Variants in NTRK2 observed in about 807,000 individuals in gnomAD.
The protein encoded by NTRK2 is BDNF/NT-3 growth factors receptor.
Under a neutral mutation model 94.5 loss-of-function variants are expected in NTRK2, and 13 were observed. The observed-to-expected ratio is 0.14, with a 90% CI of 0.09 to 0.22. NTRK2 has a LOEUF of 0.22. NTRK2 is among the 10% of genes least tolerant of loss of function. NTRK2 has a pLI of 1.00. For missense variants in NTRK2, 639 were observed against 1,071.2 expected (o/e 0.60, Z 5.63); for synonymous variants, 372 against 407.4 (o/e 0.91, Z 1.05).
At chr9:84,934,631 C>G (rs546018337) in intron 15 of NTRK2, among the ~76,000 whole-genome samples, 4 of 152,122 alleles carry the variant, frequency 2.6e-5, no homozygotes, top group African/African-American at 9.7e-5. Context: ...CATGTGTCTC[C>G]TCAAATTGTT....
intron 15 of NTRK2, among the ~76,000 whole-genome samples, chr9:84,945,274 A>G (rs2078560211): frequency 1.3e-5 from 2 of 152,228 alleles, no homozygotes; most frequent in South Asian, 4.1e-4. Flanking sequence ...TACTTTCACA[A>G]ACTTCGTGTA....
intron 14 of NTRK2, among the ~76,000 whole-genome samples, chr9:84,909,012 C>G (rs2077160113): frequency 6.6e-6 from 1 of 152,128 alleles, no homozygotes; most frequent in Non-Finnish European, 1.5e-5. Context: ...GACATTCATA[C>G]AGTCAAAATA....
intron 12 of NTRK2, among the ~76,000 whole-genome samples, chr9:84,765,443 T>C (rs971398160): frequency 2.6e-5 from 4 of 152,134 alleles, no homozygotes; most frequent in African/African-American, 7.2e-5. Context: ...TCAAAGACAG[T>C]GAGAGCTAGC....
chr9:84,717,988 C>T (rs1564116547), intron 6 of NTRK2, among the ~76,000 whole-genome samples: 1 of 151,830 alleles, frequency 6.6e-6, no homozygotes, highest in Non-Finnish European at 1.5e-5. Context: ...TCTTACAGAG[C>T]CTCCTTCTCC....
At chr9:84,771,658 G>A (rs1006069828) in intron 12 of NTRK2, among the ~76,000 whole-genome samples, 3 of 152,120 alleles carry the variant, frequency 2.0e-5, no homozygotes, top group African/African-American at 7.2e-5. Context: ...CCATCCATCT[G>A]CCTGGTTATT....
At chr9:84,891,923 G>GT (rs34263467) in intron 14 of NTRK2, among the ~76,000 whole-genome samples, 13,291 of 147,570 alleles carry the variant, frequency 0.09, 773 homozygotes, top group African/African-American at 0.16. Context: ...ACTAAAACTG[G>GT]TTTTTTTTTT....
intron 15 of NTRK2, among the ~76,000 whole-genome samples, chr9:84,946,804 T>C (rs2078613277): frequency 6.6e-6 from 1 of 152,234 alleles, no homozygotes; most frequent in Non-Finnish European, 1.5e-5. Flanking sequence ...TGGTTCCTTC[T>C]GGAGGTTCTA....
chr9:84,975,662 A>G (rs1342618741), intron 17 of NTRK2, among the ~76,000 whole-genome samples: 2 of 152,194 alleles, frequency 1.3e-5, no homozygotes, highest in Non-Finnish European at 2.9e-5. Context: ...GTGCAACAAT[A>G]TTAATAGTTG....
intron 17 of NTRK2, among the ~76,000 whole-genome samples, chr9:84,961,005 T>C (rs17087959): frequency 0.22 from 32,898 of 152,038 alleles, 3,913 homozygotes; most frequent in East Asian, 0.45. Context: ...GGCTTTGAAG[T>C]TAGGAGTGTT....
At chr9:84,986,736 G>A (rs1036130222) in intron 17 of NTRK2, among the ~76,000 whole-genome samples, 2 of 152,218 alleles carry the variant, frequency 1.3e-5, no homozygotes, top group African/African-American at 4.8e-5. Flanking sequence ...GGAGAGAATG[G>A]ACAAGAAAGG....
intron 2 of NTRK2, among the ~76,000 whole-genome samples, chr9:84,692,468 C>CTTTT (rs71369138): frequency 8.0e-5 from 7 of 87,690 alleles, no homozygotes; most frequent in South Asian, 4.9e-4. Flanking sequence ...TTCTTTTTTT[C>CTTTT]TTTTTTTTTT....
intron 17 of NTRK2, among the ~76,000 whole-genome samples, chr9:85,016,359 C>A (rs1223652245): frequency 6.6e-6 from 1 of 152,116 alleles, no homozygotes; most frequent in Non-Finnish European, 1.5e-5. Context: ...CATCTTGCAC[C>A]AGGTCAACCT....
At chr9:85,018,865 T>C (rs976256829) in intron 17 of NTRK2, among the ~76,000 whole-genome samples, 1 of 152,214 alleles carries the variant, frequency 6.6e-6, no homozygotes, top group Non-Finnish European at 1.5e-5. Flanking sequence ...CTAAGGCCAA[T>C]GGAAGCCAAC....
intron 9 of NTRK2, among the ~76,000 whole-genome samples, chr9:84,728,888 A>G (rs888158309): frequency 4.6e-5 from 7 of 152,156 alleles, no homozygotes; most frequent in Non-Finnish European, 8.8e-5. Flanking sequence ...GTTCTTACCT[A>G]CTCAGTCTCA....
chr9:84,965,368 G>A (rs1332931685), intron 17 of NTRK2, among the ~76,000 whole-genome samples: 1 of 152,190 alleles, frequency 6.6e-6, no homozygotes, highest in African/African-American at 2.4e-5. Flanking sequence ...AACCACACGT[G>A]TCCTGGGGAG....
At chr9:84,802,661 G>T (rs954981015) in intron 12 of NTRK2, among the ~76,000 whole-genome samples, 1 of 152,190 alleles carries the variant, frequency 6.6e-6, no homozygotes, top group African/African-American at 2.4e-5. Flanking sequence ...GCCTCAGTCG[G>T]AACATATATA....
At chr9:84,922,401 A>AT (rs2077595458) in intron 14 of NTRK2, among the ~76,000 whole-genome samples, 1 of 152,182 alleles carries the variant, frequency 6.6e-6, no homozygotes, top group Admixed American at 6.5e-5. Context: ...TTAACCCAGT[A>AT]TTTTTTACGT....
chr9:84,688,660 G>C (rs1056101503), intron 2 of NTRK2, among the ~76,000 whole-genome samples: 2 of 152,094 alleles, frequency 1.3e-5, no homozygotes, highest in African/African-American at 4.8e-5. Context: ...TGAAAGTTCT[G>C]GGTCTAAATG....
chr9:84,765,376 A>T (rs2065931221), intron 12 of NTRK2, among the ~76,000 whole-genome samples: 1 of 152,208 alleles, frequency 6.6e-6, no homozygotes, highest in African/African-American at 2.4e-5. Context: ...AAAAAAGAGT[A>T]TAATGAGCCT....
Sources: allele counts gnomAD v4.1 joint callset (sites outside exome capture counted in the v4.1 genomes callset), GRCh38; gene constraint gnomAD v4.1.1; transcripts MANE v1.5; gene names NCBI Gene and HGNC (gene_info 2026-07-23, HGNC 2026-07-21).